The following PLRG1 variants were observed in gnomAD, a reference collection of about 807,000 sequenced individuals.
PLRG1 encodes pleiotropic regulator 1, also known as pleiotropic regulator 1 (PRL1 homolog, Arabidopsis).
Under a neutral mutation model 74.9 loss-of-function variants are expected in PLRG1, and 28 were observed. The observed-to-expected ratio is 0.37, with a 90% CI of 0.28 to 0.51. The LOEUF is 0.51. Among genes scored for constraint, PLRG1 ranks in the 20% least tolerant of loss-of-function variants. PLRG1 has a pLI of 0.91. For missense variants in PLRG1, 445 were observed against 631.9 expected, an observed-to-expected ratio of 0.70 and a Z score of 3.17; for synonymous variants, 197 against 212.4, an observed-to-expected ratio of 0.93 and a Z score of 0.63.
chr4:154,535,143 GTTAC>G lies in PLRG1; in HGVS notation c.*1538_*1541del, dbSNP rs1560804517. ...ACAAAGCCACTGTTAGTAATGTGGT[GTTAC>G]TTATATTTTAGAGCATCAAGTTGTC... On this transcript the variant is annotated 3_prime_UTR_variant, in exon 15 of 15. Coordinates refer to ENST00000499023, the MANE Select transcript of PLRG1 (RefSeq NM_002669.4). The G allele has an allele frequency of 1.3e-5, 2 of 151,868 alleles. No homozygotes were observed. The highest frequency in any genetic ancestry group is 6.6e-5 in the Admixed American group (1 of 15,208). 9.4% of individuals were successfully genotyped at this position (151,868 alleles called of 1,614,324 possible).
Position 154,536,126 on chromosome 4 carries a change from T to C in PLRG1, c.*559A>G, listed in dbSNP as rs1477554253. On this transcript the variant is annotated 3_prime_UTR_variant, in exon 15 of 15. Coordinates refer to ENST00000499023, the MANE Select transcript of PLRG1 (RefSeq NM_002669.4). ...TTTCACCTGCACCTCTGTTACAGAATTTCTATACTAAGCTACCAAACTGGA... is the reference window on the plus strand; with the variant it reads ...TTTCACCTGCACCTCTGTTACAGAACTTCTATACTAAGCTACCAAACTGGA... 1.3e-5 allele frequency: 2 copies of C among 153,144 alleles called. No individual in the cohort carries two copies. The highest frequency in any genetic ancestry group is 4.8e-5 in the African/African-American group (2 of 41,440). 9.5% of individuals were successfully genotyped at this position (153,144 alleles called of 1,614,324 possible). A position where few individuals can be genotyped will look rare whatever the true frequency, so the allele number is the denominator to read the frequency against.
chr4:154,546,172 T>C lies in PLRG1; in HGVS notation c.355A>G (p.Ser119Gly), dbSNP rs754168839. ...TADTKIQRMPSESAAQSLAVA... is the reference protein window; with the variant it reads ...TADTKIQRMPGESAAQSLAVA... ...GCTAAGGACTGTGCAGCTGATTCAC[T>C]TGGCATTCTCTGGATCTTAGTATCT... Residue 119 changes from serine (S) to glycine (G), a missense_variant, in exon 5 of 15, where the codon AGT (serine) becomes GGT (glycine). Around this residue, in one of 3 missense-constraint regions of PLRG1, gnomAD observed 206 missense variants for 210.8 expected, o/e 0.98. Transcript: ENST00000499023. 4 of 1,610,376 alleles carry C rather than the reference T, an allele frequency of 2.5e-6. No homozygotes were observed. Among genetic ancestry groups the C allele is most frequent in the African/African-American group, 1.3e-5 (1 of 74,878 alleles).
intron 11 of PLRG1, 95 bp from the exon 12 acceptor site, chr4:154,539,308 G>A: frequency 5.3e-6 from 4 of 758,640 alleles, no homozygotes; most frequent in Middle Eastern, 6.9e-4. Context: ...AAACACATAT[G>A]TTCTAAATGA....
chr4:154,540,004 G>T lies in PLRG1; in HGVS notation c.989C>A (p.Thr330Lys). The T allele has an allele frequency of 6.2e-7, 1 of 1,603,310 alleles. No individual in the cohort carries two copies. The highest frequency in any genetic ancestry group is 8.5e-7 in the Non-Finnish European group (1 of 1,170,302). Residue 330 changes from threonine (T) to lysine (K), a missense_variant, in exon 11 of 15, where the codon ACA becomes AAA. Transcript: ENST00000499023. The stretch of plus-strand genomic sequence containing the variant: ...ACATCTCACTGTAGCAACTGCATTT[G>T]TATGTCCAGATAATGTGTGTACACT... Reference protein sequence around the residue: ...KASVHTLSGHTNAVATVRCQA... With the variant: ...KASVHTLSGHKNAVATVRCQA...
intron 13 of PLRG1, 52 bp from the exon 14 acceptor site, chr4:154,537,531 G>T: frequency 7.6e-7 from 1 of 1,314,242 alleles, no homozygotes. Context: ...AGTACAGCTT[G>T]ACAAACATTT....
In PLRG1 at chr4:154,546,903, C is replaced by T. The variant is rs78572961; in HGVS notation, c.313+108G>A. Reference sequence around the variant, plus strand: ...AAAGCTATGCATGGATGCTTGGCTACTGAGCTTATCTTGCATTTTATAGGC... The same window carrying T: ...AAAGCTATGCATGGATGCTTGGCTATTGAGCTTATCTTGCATTTTATAGGC... On this transcript the variant is annotated intron_variant, in intron 4 of 14. Transcript: ENST00000499023. 4,872 of 832,066 alleles carry T rather than the reference C, an allele frequency of 5.9e-3. 139 individuals are homozygous for T. In the African/African-American group the frequency reaches 0.07, roughly 12 times the overall value. The allele number at this position is 832,066 out of a possible 1,614,324, so 51.5% of individuals were successfully genotyped here.
chr4:154,548,432 T>C (rs905088371), intron 2 of PLRG1, among the ~76,000 whole-genome samples: 1 of 152,120 alleles, frequency 6.6e-6, no homozygotes, highest in Non-Finnish European at 1.5e-5. Context: ...GCTGGATATG[T>C]AGAACCAAAA....
At chr4:154,540,731 T>C in intron 9 of PLRG1, 36 bp from the exon 10 acceptor site, 1 of 1,607,968 alleles carries the variant, frequency 6.2e-7, no homozygotes, top group Non-Finnish European at 8.5e-7. Context: ...ACTTCTAGAA[T>C]TAGAAAGATA....
chr4:154,536,549 C>T lies in PLRG1; in HGVS notation c.*136G>A. 2 of 639,492 alleles carry T rather than the reference C, an allele frequency of 3.1e-6. No homozygotes were observed. The highest frequency in any genetic ancestry group is 2.8e-5 in the East Asian group (1 of 35,558). 39.6% of individuals were successfully genotyped at this position (639,492 alleles called of 1,614,324 possible). On this transcript the variant is annotated 3_prime_UTR_variant, in exon 15 of 15. Coordinates refer to ENST00000499023, the MANE Select transcript of PLRG1 (RefSeq NM_002669.4). ...CAGTTTATTGTAAAATATGAAGCAGCAATGATTGAAGCAAGTGAATTTCTC... is the reference window on the plus strand; with the variant it reads ...CAGTTTATTGTAAAATATGAAGCAGTAATGATTGAAGCAAGTGAATTTCTC...
rs748020012 is a variant in PLRG1 at position 154,545,866 on chromosome 4, A to G, written c.462T>C (p.Ser154=). The change falls in exon 6 of 15, where the codon TCT becomes TCC. Residue 154 remains serine (S), a synonymous_variant. Coordinates refer to ENST00000499023, the MANE Select transcript of PLRG1 (RefSeq NM_002669.4). ...TCATCGCTGTAGGCTGTGGACGGTC[A>G]GAAGCCCCAGGATGTCGGTATTCAC... ...SGSEYRHPGA[S]DRPQPTAMNS... 3.1e-6 allele frequency: 5 copies of G among 1,612,516 alleles called. No individual in the cohort carries two copies. In the East Asian group the frequency reaches 1.1e-4, roughly 36 times the overall value.
At chr4:154,537,505 C>A in intron 13 of PLRG1, 26 bp from the exon 14 acceptor site, 1 of 1,534,916 alleles carries the variant, frequency 6.5e-7, no homozygotes. Flanking sequence ...CTAGTTACAC[C>A]TGGTATCCCC....
chr4:154,548,402 T>C (rs1166321660), intron 2 of PLRG1, among the ~76,000 whole-genome samples: 1 of 152,162 alleles, frequency 6.6e-6, no homozygotes, highest in Non-Finnish European at 1.5e-5. Context: ...ACACTGCACA[T>C]AATGCATTCC....
chr4:154,546,451 A>G, intron 4 of PLRG1: 1 of 463,644 alleles, frequency 2.2e-6, no homozygotes, highest in Non-Finnish European at 3.8e-6. Flanking sequence ...AAAGCAGCCC[A>G]GAATAGTAAA....
Position 154,550,373 on chromosome 4 carries a change from C to T in PLRG1, c.-65G>A. 1.3e-6 allele frequency: 2 copies of T among 1,502,150 alleles called. No individual in the cohort carries two copies. The highest frequency in any genetic ancestry group is 1.9e-6 in the Non-Finnish European group (2 of 1,078,636). The allele number at this position is 1,502,150 out of a possible 1,614,324, so 93.1% of individuals were successfully genotyped here. A position where few individuals can be genotyped will look rare whatever the true frequency, so the allele number is the denominator to read the frequency against. ...CTAATCACTAACGCAGTACCCGCCG[C>T]CACAGCTGTGCAGCACCTTCCGGAA... On this transcript the variant is annotated 5_prime_UTR_variant, in exon 1 of 15. Coordinates refer to ENST00000499023, the MANE Select transcript of PLRG1 (RefSeq NM_002669.4).
At chr4:154,538,726 G>A (rs62330408) in intron 12 of PLRG1, among the ~76,000 whole-genome samples, 1 of 151,950 alleles carries the variant, frequency 6.6e-6, no homozygotes, top group East Asian at 1.9e-4. Context: ...TATTATTTCT[G>A]TTTCTACATA....
At chr4:154,544,626 A>C (rs1464691206) in intron 6 of PLRG1, 80 bp from the exon 7 acceptor site, 5 of 760,910 alleles carry the variant, frequency 6.6e-6, no homozygotes, top group Non-Finnish European at 1.1e-5. Context: ...ATGGAAATGG[A>C]AAGAGGGAAC....
chr4:154,538,687 G>C (rs1005787106), intron 12 of PLRG1, among the ~76,000 whole-genome samples: 14 of 151,910 alleles, frequency 9.2e-5, no homozygotes, highest in Admixed American at 6.6e-4. Context: ...CACCTTTTTG[G>C]ATACTCTGAC....
chr4:154,545,163 G>A (rs1729627645), intron 6 of PLRG1, among the ~76,000 whole-genome samples: 1 of 152,146 alleles, frequency 6.6e-6, no homozygotes, highest in African/African-American at 2.4e-5. Context: ...CTCATAAGGA[G>A]GGTAGAGAGC....
chr4:154,545,739 T>C, intron 6 of PLRG1, 97 bp downstream of exon 6: 1 of 676,242 alleles, frequency 1.5e-6, no homozygotes, highest in Non-Finnish European at 2.5e-6. Context: ...AATGACTAGC[T>C]CAGGCTGCTA....
Sources: gnomAD v4.1 joint callset for allele counts (sites outside exome capture counted in the v4.1 genomes callset) on GRCh38, gnomAD v4.1.1 for gene constraint, gnomAD v4.1.1 regional missense constraint, MANE v1.5 for transcripts, NCBI Gene and HGNC (gene_info 2026-07-23, HGNC 2026-07-21) for gene names.